The following ST7 variants were observed in gnomAD, a reference collection of about 807,000 sequenced individuals.
ST7 encodes the protein suppression of tumorigenicity 7, also known as suppressor of tumorigenicity 7 protein.
In ST7, 28 loss-of-function variants were observed where a neutral mutation model predicts 78.7. The observed-to-expected ratio is 0.36, with a 90% CI of 0.26 to 0.49. The LOEUF (loss-of-function observed/expected upper bound fraction) is 0.49, where lower values mean the gene tolerates loss of function less well. ST7 is among the 20% of genes least tolerant of loss of function. The pLI, the probability that ST7 is intolerant of heterozygous loss-of-function variation, is 0.99. For missense variants in ST7, 418 were observed against 696.0 expected (o/e 0.60, Z 4.49); for synonymous variants, 247 against 249.6 (o/e 0.99, Z 0.10).
At chr7:117,138,161 C>T (rs374764993) in intron 8 of ST7, among the ~76,000 whole-genome samples, 4 of 152,116 alleles carry the variant, frequency 2.6e-5, no homozygotes, top group Non-Finnish European at 5.9e-5. Flanking sequence ...GCTTGTAAAC[C>T]GTATACACTG....
chr7:117,213,972 T>G (rs1792490126), intron 13 of ST7, among the ~76,000 whole-genome samples: 1 of 152,174 alleles, frequency 6.6e-6, no homozygotes, highest in African/African-American at 2.4e-5. Flanking sequence ...CACTAGGGTA[T>G]TACACCTATG....
intron 1 of ST7, among the ~76,000 whole-genome samples, chr7:117,099,066 C>CAAAAAAAAAAAAAAAAA (rs55999217): frequency 2.1e-5 from 2 of 94,540 alleles, no homozygotes; most frequent in African/African-American, 3.8e-5. Flanking sequence ...AAAAAAAAAA[C>CAAAAAAAAAAAAAAAAA]AAAAAAAAAA....
chr7:117,124,501 C>T (rs1443934159), intron 3 of ST7, among the ~76,000 whole-genome samples: 1 of 151,966 alleles, frequency 6.6e-6, no homozygotes, highest in Admixed American at 6.6e-5. Flanking sequence ...GTGTATAAAC[C>T]AAGATTAACA....
chr7:117,094,561 T>A (rs1800880079), intron 1 of ST7, among the ~76,000 whole-genome samples: 1 of 152,210 alleles, frequency 6.6e-6, no homozygotes, highest in African/African-American at 2.4e-5. Context: ...AGCTGCTGTG[T>A]CCCCAGAATC....
intron 1 of ST7, among the ~76,000 whole-genome samples, chr7:117,060,274 A>ACAGAATCAGTTG (rs940459136): frequency 6.6e-6 from 1 of 152,174 alleles, no homozygotes; most frequent in Non-Finnish European, 1.5e-5. Flanking sequence ...CCTGAGAGCT[A>ACAGAATCAGTTG]CAGAATCAGT....
intron 1 of ST7, among the ~76,000 whole-genome samples, chr7:117,056,557 C>A (rs1798074252): frequency 6.6e-6 from 1 of 152,044 alleles, no homozygotes; most frequent in African/African-American, 2.4e-5. Context: ...ATCACTTGAA[C>A]CCAGGAGGCA....
chr7:117,068,612 A>G (rs1563056121), intron 1 of ST7, among the ~76,000 whole-genome samples: 1 of 152,236 alleles, frequency 6.6e-6, no homozygotes, highest in East Asian at 1.9e-4. Context: ...CCTTTTAGTG[A>G]CTAAAACAGA....
chr7:117,131,339 A>G (rs1793623085), intron 5 of ST7, among the ~76,000 whole-genome samples: 1 of 151,862 alleles, frequency 6.6e-6, no homozygotes. Flanking sequence ...GCTTCCCACC[A>G]TATGTTCAGA....
chr7:117,214,726 G>A (rs139321698), intron 13 of ST7, among the ~76,000 whole-genome samples: 14 of 151,976 alleles, frequency 9.2e-5, no homozygotes, highest in East Asian at 1.9e-4. Flanking sequence ...ATTCCGTCTC[G>A]GTGAATGGCT....
In ST7 at chr7:117,207,431, C is replaced by T. The variant is rs148411212; in HGVS notation, c.1255-2356C>T. On this transcript the variant is annotated intron_variant, in intron 12 of 15. Transcript: ENST00000323984. ...TGCTGAGATTACAGCCGTGAGCCACCGCGCCCAGCCCTGCTAGTTTATTTT... is the reference window on the plus strand; with the variant it reads ...TGCTGAGATTACAGCCGTGAGCCACTGCGCCCAGCCCTGCTAGTTTATTTT... 3.9e-3 allele frequency among the ~76,000 whole-genome samples: 599 copies of T among 152,210 alleles called. 7 individuals are homozygous for T. The highest frequency in any genetic ancestry group is 0.014 in the African/African-American group (565 of 41,546).
intron 1 of ST7, among the ~76,000 whole-genome samples, chr7:117,059,807 CAAAAAAA>C (rs35792944): frequency 3.4e-3 from 110 of 31,994 alleles, no homozygotes; most frequent in African/African-American, 8.0e-3. Context: ...TTCATCTCTG[CAAAAAAA>C]AAAAAAAAAA....
At chr7:117,119,823 G>C (rs771521834) in intron 3 of ST7, 103 bp downstream of exon 3, 1 of 1,355,700 alleles carries the variant, frequency 7.4e-7, no homozygotes, top group African/African-American at 1.5e-5. Flanking sequence ...TAAACATTAG[G>C]CTTCAGAGAA....
At chr7:116,976,812 G>A (rs1793728189) in intron 1 of ST7, among the ~76,000 whole-genome samples, 1 of 152,180 alleles carries the variant, frequency 6.6e-6, no homozygotes, top group African/African-American at 2.4e-5. Flanking sequence ...AGTAATAGAT[G>A]CAAACTCCTG....
chr7:117,160,022 T>G (rs1442266918), intron 9 of ST7, among the ~76,000 whole-genome samples: 10 of 151,914 alleles, frequency 6.6e-5, no homozygotes, highest in Admixed American at 6.6e-5. Flanking sequence ...GCCAACATGG[T>G]GAAACCCTGT....
intron 9 of ST7, among the ~76,000 whole-genome samples, chr7:117,151,829 A>G (rs1287544567): frequency 2.0e-5 from 3 of 152,066 alleles, no homozygotes; most frequent in African/African-American, 7.2e-5. Context: ...CTAAGAATTT[A>G]TGACCTCAGG....
At chr7:117,002,813 CTTTTT>C (rs397970060) in intron 1 of ST7, among the ~76,000 whole-genome samples, 55 of 72,148 alleles carry the variant, frequency 7.6e-4, no homozygotes, top group African/African-American at 1.3e-3. Flanking sequence ...ATTTTTTTTC[CTTTTT>C]TTTTTTTTTT....
chr7:117,059,569 A>C (rs974087105), intron 1 of ST7, among the ~76,000 whole-genome samples: 2 of 152,062 alleles, frequency 1.3e-5, no homozygotes, highest in Non-Finnish European at 2.9e-5. Context: ...CTAATTTTAG[A>C]GGTATAGATC....
At chr7:117,210,478 A>G (rs1792190972) in intron 13 of ST7, among the ~76,000 whole-genome samples, 1 of 152,194 alleles carries the variant, frequency 6.6e-6, no homozygotes, top group Non-Finnish European at 1.5e-5. Flanking sequence ...TGCTGGGTAG[A>G]TGAATGCGGG....
At chr7:117,058,007 G>T (rs1181009597) in intron 1 of ST7, among the ~76,000 whole-genome samples, 1 of 152,144 alleles carries the variant, frequency 6.6e-6, no homozygotes, top group East Asian at 1.9e-4. Context: ...GGGGGCCACA[G>T]ATGCCAGGAT....
Sources: allele counts gnomAD v4.1 joint callset (sites outside exome capture counted in the v4.1 genomes callset), GRCh38; gene constraint gnomAD v4.1.1; transcripts MANE v1.5; gene names NCBI Gene and HGNC (gene_info 2026-07-23, HGNC 2026-07-21).